GOSR2: variants seen among roughly 807,000 people sequenced by gnomAD.
GOSR2 encodes 27 kDa Golgi SNARE protein.
GOSR2 carries 20 observed loss-of-function variants against 27.9 expected under a neutral mutation model. The observed-to-expected ratio is 0.72, with a 90% CI of 0.50 to 1.04. The LOEUF is 1.04. Among genes scored for constraint, GOSR2 ranks in the 50% least tolerant of loss-of-function variants. The pLI is 0.00. For synonymous variants in GOSR2, 91 were observed against 98.8 expected (o/e 0.92, Z 0.47); for missense variants, 261 against 270.5 (o/e 0.97, Z 0.25).
intron 3 of GOSR2, 159 bp from the exon 4 acceptor site, chr17:46,931,908 A>G: frequency 1.4e-6 from 1 of 707,196 alleles, no homozygotes; most frequent in Non-Finnish European, 2.5e-6. Flanking sequence ...GACTTTCAAC[A>G]TCGTTGATCA....
At chr17:46,963,874 TA>T (rs2091202856) in intron 6 of GOSR2, 3 of 152,356 alleles carry the variant, frequency 2.0e-5, no homozygotes, top group Middle Eastern at 3.4e-3. Context: ...TGGAGTGCAA[TA>T]GCACAATAAG....
At chr17:46,945,678 A>G (rs777949515), downstream of GOSR2, among the ~76,000 whole-genome samples, 3 of 152,056 alleles carry the variant, frequency 2.0e-5, no homozygotes, top group Admixed American at 6.5e-5. Flanking sequence ...AACCAAGACC[A>G]CTTGGCCCTG....
chr17:46,968,839 C>T (rs1426531763), downstream of GOSR2: 1 of 152,250 alleles, frequency 6.6e-6, no homozygotes, highest in Non-Finnish European at 1.5e-5. Flanking sequence ...GCCTTCTAAT[C>T]CTGGGACCTG....
At chr17:46,951,680 C>G (rs2090359400) in intron 6 of GOSR2, among the ~76,000 whole-genome samples, 1 of 152,180 alleles carries the variant, frequency 6.6e-6, no homozygotes, top group African/African-American at 2.4e-5. Context: ...CCTCCCAGGC[C>G]AGGGTAATGC....
chr17:46,926,210 G>A (rs1017173181), intron 1 of GOSR2, among the ~76,000 whole-genome samples: 3 of 152,112 alleles, frequency 2.0e-5, no homozygotes, highest in South Asian at 2.1e-4. Context: ...TTTAATGAGC[G>A]AAATGTAAAG....
rs2087282948 is a variant in GOSR2, at chr17:46,931,002, G to A, written c.95-97G>A. On this transcript the variant is annotated intron_variant, in intron 2 of 5. Transcript: ENST00000640051. ...TCTCCTTTTGAAATATGTAGTTCTA[G>A]TTTATTGGATATTGAAAAAAAAATC... The A allele has an allele frequency of 4.7e-5, 35 of 748,808 alleles. No homozygotes were observed. In the South Asian group the frequency reaches 5.0e-4, roughly 11 times the overall value. The allele number at this position is 748,808 out of a possible 1,614,324, so 46.4% of individuals were successfully genotyped here.
At position 46,932,183 on chromosome 17, in the gene GOSR2, G is replaced by C. The variant is rs750960207; in HGVS notation, c.320G>C (p.Arg107Pro). ...AGACAGCGAGAAGAGCTTCTGTCTC[G>C]AACCTTCACCACTAACGTAAGCCAG... ...QERQREELLS[R>P]TFTTNDSDTT... The change falls in exon 4 of 6, where the codon CGA becomes CCA. Residue 107 changes from arginine (R) to proline (P), a missense_variant. Transcript: ENST00000640051. 1 of 1,614,036 alleles carries C rather than the reference G, an allele frequency of 6.2e-7. No individual in the cohort carries two copies. The highest frequency in any genetic ancestry group is 8.5e-7 in the Non-Finnish European group (1 of 1,180,016).
chr17:46,928,530 G>C (rs549914539), intron 1 of GOSR2, among the ~76,000 whole-genome samples: 1 of 152,274 alleles, frequency 6.6e-6, no homozygotes, highest in East Asian at 1.9e-4. Flanking sequence ...CCATTAGGAA[G>C]GGGGTCTTAA....
At chr17:46,945,502 C>T (rs886383084), downstream of GOSR2, among the ~76,000 whole-genome samples, 1 of 152,186 alleles carries the variant, frequency 6.6e-6, no homozygotes, top group African/African-American at 2.4e-5. Flanking sequence ...GCAGCCTAAC[C>T]TTGGGCTTAA....
Position 46,935,112 on chromosome 17 carries a change from C to G in GOSR2, c.420C>G (p.Leu140=). 6.2e-7 allele frequency: 1 copy of G among 1,613,892 alleles called. No individual in the cohort carries two copies. The highest frequency in any genetic ancestry group is 1.1e-5 in the South Asian group (1 of 91,062). The change falls in exon 5 of 6, where the codon CTC becomes CTG. Residue 140 remains leucine (L), a synonymous_variant. Transcript: ENST00000640051. Reference sequence around the variant, plus strand: ...AAGTTCACAACGGCATGGATGACCTCATTTTAGATGGGCACAATATTTTAG... The same window carrying G: ...AAGTTCACAACGGCATGGATGACCTGATTTTAGATGGGCACAATATTTTAG... ...LQKVHNGMDD[L]ILDGHNILDG...
At chr17:46,930,831 G>A (rs1402863500) in intron 2 of GOSR2, 1 of 397,678 alleles carries the variant, frequency 2.5e-6, no homozygotes, top group East Asian at 4.9e-5. Flanking sequence ...CTAAAGGTAG[G>A]AAATTTATTT....
rs2088913517 is a variant in GOSR2, at chr17:46,939,227, T to C, written c.*467T>C. On this transcript the variant is annotated 3_prime_UTR_variant, in exon 6 of 6. Coordinates refer to ENST00000640051, the MANE Select transcript of GOSR2 (RefSeq NM_004287.5). The stretch of plus-strand genomic sequence containing the variant: ...TTCTCACAGCCATTATATTAAATAG[T>C]AGGTCGATTCACATCCTCGTGCTCC... The C allele has an allele frequency of 1.9e-6, 2 of 1,058,802 alleles. No individual in the cohort carries two copies. The highest frequency in any genetic ancestry group is 1.1e-6 in the Non-Finnish European group (1 of 871,698). The allele number at this position is 1,058,802 out of a possible 1,614,324, so 65.6% of individuals were successfully genotyped here. A position where few individuals can be genotyped will look rare whatever the true frequency, so the allele number is the denominator to read the frequency against.
At chr17:46,966,713 T>C (rs1259389134) in exon 7 of GOSR2, 3 of 482,636 alleles carry the variant, frequency 6.2e-6, no homozygotes, top group East Asian at 6.7e-5. Flanking sequence ...AGCTGTGATT[T>C]CAGATCAGTG....
intron 4 of GOSR2, chr17:46,933,495 C>T (rs1330882302): frequency 1.3e-5 from 2 of 152,200 alleles, no homozygotes; most frequent in African/African-American, 2.4e-5. Flanking sequence ...AATTCAGGCA[C>T]TAGGAGTAAA....
Position 46,923,181 on chromosome 17 carries a change from G to C in GOSR2, c.-12G>C, listed in dbSNP as rs183199. The C allele has an allele frequency of 0.99, 1,521,956 of 1,536,014 alleles. 755,025 individuals are homozygous for C. Among genetic ancestry groups the C allele is most frequent in the East Asian group, 1 (40,850 of 40,850 alleles). On this transcript the variant is annotated 5_prime_UTR_variant, in exon 1 of 6. Transcript: ENST00000640051. ...AGCCAGAGCCGGAGCCGTGGCCTGC[G>C]GGGCCGGCGACATGGATCCCCTGTT...
At chr17:46,943,665 T>C (rs1028676447), downstream of GOSR2, among the ~76,000 whole-genome samples, 1 of 151,962 alleles carries the variant, frequency 6.6e-6, no homozygotes, top group Admixed American at 6.6e-5. Flanking sequence ...CTTGAGCCCA[T>C]CCCCCATGCA....
At chr17:46,950,681 C>G in intron 6 of GOSR2, among the ~76,000 whole-genome samples, 1 of 152,142 alleles carries the variant, frequency 6.6e-6, no homozygotes, top group East Asian at 1.9e-4. Flanking sequence ...ACCATCCTGC[C>G]TGCCCGGGGC....
At chr17:46,954,478 C>T (rs2090579862) in intron 6 of GOSR2, among the ~76,000 whole-genome samples, 1 of 152,192 alleles carries the variant, frequency 6.6e-6, no homozygotes, top group African/African-American at 2.4e-5. Flanking sequence ...GTGATGCCTC[C>T]AGCTTTGTTC....
At chr17:46,949,548 T>C (rs2090173638) in intron 6 of GOSR2, among the ~76,000 whole-genome samples, 1 of 152,146 alleles carries the variant, frequency 6.6e-6, no homozygotes, top group East Asian at 1.9e-4. Context: ...ATTGACACGG[T>C]GGGTGGCCAT....
Sources: allele counts gnomAD v4.1 joint callset (sites outside exome capture counted in the v4.1 genomes callset), GRCh38; gene constraint gnomAD v4.1.1; transcripts MANE v1.5; gene names NCBI Gene and HGNC (gene_info 2026-07-23, HGNC 2026-07-21).